Variants in RNGTT observed in about 807,000 individuals in gnomAD.
RNGTT encodes RNA guanylyltransferase and 5'-phosphatase, also known as mRNA-capping enzyme.
RNGTT carries 33 observed loss-of-function variants against 79.3 expected under a neutral mutation model. The ratio of observed to expected loss-of-function variants is 0.42; its 90% CI spans 0.32 to 0.56. The LOEUF (loss-of-function observed/expected upper bound fraction) is 0.56. Ranked by LOEUF, RNGTT falls within the 20% of genes least tolerant of loss-of-function variation. RNGTT has a pLI of 0.17. For synonymous variants in RNGTT, 222 were observed against 235.9 expected (o/e 0.94, Z 0.54); for missense variants, 497 against 739.1 (o/e 0.67, Z 3.80).
At position 88,776,650 on chromosome 6, in the gene RNGTT, T is replaced by G. The variant is rs557452189; in HGVS notation, c.1339-6776A>C. Among the ~76,000 whole-genome samples the G allele has an allele frequency of 3.7e-5, 5 of 136,740 alleles. No individual in the cohort carries two copies. In the South Asian group the frequency reaches 7.0e-4, roughly 19 times the overall value. The allele number at this position is 136,740 out of a possible 152,430, so 89.7% of individuals were successfully genotyped here. On this transcript the variant is annotated intron_variant, in intron 12 of 15. Transcript: ENST00000369485. The stretch of plus-strand genomic sequence containing the variant: ...ATGCCCAGCCACCTGTTGACCACTT[T>G]CATGGCTTCTTTGGAAAAAAAAAAA...
intron 14 of RNGTT, among the ~76,000 whole-genome samples, chr6:88,651,909 G>A (rs1331846160): frequency 6.6e-6 from 1 of 152,040 alleles, no homozygotes; most frequent in East Asian, 1.9e-4. Context: ...TGTGCACATA[G>A]GCGGTGGATA....
chr6:88,754,653 T>C (rs1179606408), intron 13 of RNGTT, among the ~76,000 whole-genome samples: 1 of 152,210 alleles, frequency 6.6e-6, no homozygotes, highest in Non-Finnish European at 1.5e-5. Context: ...ATGTTCGTGA[T>C]GGCCATGATG....
intron 13 of RNGTT, among the ~76,000 whole-genome samples, chr6:88,709,420 TACA>T (rs1180619988): frequency 6.6e-6 from 1 of 152,090 alleles, no homozygotes; most frequent in Non-Finnish European, 1.5e-5. Flanking sequence ...CCAAAACAGG[TACA>T]ACATCTGAAC....
At chr6:88,616,875 C>CATA (rs1772245782) in intron 14 of RNGTT, among the ~76,000 whole-genome samples, 1 of 152,218 alleles carries the variant, frequency 6.6e-6, no homozygotes. Flanking sequence ...CTTTGATGTA[C>CATA]ATAAGTTTTT....
intron 1 of RNGTT, among the ~76,000 whole-genome samples, chr6:88,961,135 A>T (rs1582182967): frequency 6.6e-6 from 1 of 152,154 alleles, no homozygotes; most frequent in Non-Finnish European, 1.5e-5. Flanking sequence ...AAAAGACTTG[A>T]CCGGCTTAGC....
chr6:88,957,192 C>T (rs1475711175), intron 1 of RNGTT, among the ~76,000 whole-genome samples: 5 of 152,096 alleles, frequency 3.3e-5, no homozygotes, highest in Admixed American at 3.3e-4. Context: ...ACAGAAGGGA[C>T]GTACCTCAAG....
Position 88,623,706 on chromosome 6 carries a change from T to C in RNGTT, c.1507-9311A>G, listed in dbSNP as rs576976695. 4.6e-5 allele frequency among the ~76,000 whole-genome samples: 7 copies of C among 152,194 alleles called. No individual in the cohort carries two copies. In the East Asian group the frequency reaches 1.2e-3, roughly 25 times the overall value. On this transcript the variant is annotated intron_variant, in intron 14 of 15. Transcript: ENST00000369485. ...AAGCCACAATTACTTTTGAAAAATG[T>C]TAATCCAATCAAGTCATTCTCTTGC...
intron 12 of RNGTT, among the ~76,000 whole-genome samples, chr6:88,776,306 C>T (rs572488809): frequency 6.6e-6 from 1 of 150,548 alleles, no homozygotes; most frequent in East Asian, 1.9e-4. Context: ...AGCACCTTTT[C>T]ATACACCTTT....
chr6:88,817,384 G>A (rs1168996805), intron 11 of RNGTT, among the ~76,000 whole-genome samples: 1 of 150,106 alleles, frequency 6.7e-6, no homozygotes. Context: ...GCTTACACCT[G>A]TAATCCAAAC....
intron 8 of RNGTT, among the ~76,000 whole-genome samples, chr6:88,890,249 C>G: frequency 6.6e-6 from 1 of 152,094 alleles, no homozygotes; most frequent in East Asian, 1.9e-4. Context: ...TCAAACTTAA[C>G]ATCTAGTTAT....
chr6:88,962,233 A>G (rs533659733), intron 1 of RNGTT, among the ~76,000 whole-genome samples: 124 of 152,300 alleles, frequency 8.1e-4, no homozygotes, highest in Non-Finnish European at 1.5e-3. Context: ...GGAAAGAGAT[A>G]TATTTGTGTA....
intron 13 of RNGTT, among the ~76,000 whole-genome samples, chr6:88,737,850 C>A (rs555017556): frequency 5.3e-5 from 8 of 152,174 alleles, no homozygotes; most frequent in African/African-American, 1.7e-4. Flanking sequence ...GAGACTAAGA[C>A]AAACATGAAT....
intron 8 of RNGTT, among the ~76,000 whole-genome samples, chr6:88,859,792 A>G (rs1484403947): frequency 6.6e-6 from 1 of 152,170 alleles, no homozygotes; most frequent in Admixed American, 6.5e-5. Context: ...GAAACTGGGA[A>G]TAAGAGTAGT....
At chr6:88,667,031 G>A (rs1774438696) in intron 14 of RNGTT, among the ~76,000 whole-genome samples, 1 of 152,152 alleles carries the variant, frequency 6.6e-6, no homozygotes, top group African/African-American at 2.4e-5. Flanking sequence ...GCCTCGGAGG[G>A]TGGCAGTAAT....
chr6:88,796,938 T>C (rs1245139847), intron 12 of RNGTT, among the ~76,000 whole-genome samples: 1 of 152,190 alleles, frequency 6.6e-6, no homozygotes, highest in Non-Finnish European at 1.5e-5. Flanking sequence ...TTCTGACATT[T>C]AGACAGGTAG....
intron 14 of RNGTT, among the ~76,000 whole-genome samples, chr6:88,623,607 G>A (rs1482868537): frequency 1.3e-5 from 2 of 151,978 alleles, no homozygotes; most frequent in East Asian, 3.8e-4. Context: ...ACCTATCACA[G>A]TGTCTCAGAT....
intron 13 of RNGTT, among the ~76,000 whole-genome samples, chr6:88,705,199 T>G (rs1221275547): frequency 6.6e-6 from 1 of 152,170 alleles, no homozygotes; most frequent in Admixed American, 6.5e-5. Context: ...ACATTTTATA[T>G]CATAATCCCA....
At chr6:88,758,308 T>A (rs1389257145) in intron 13 of RNGTT, among the ~76,000 whole-genome samples, 2 of 152,174 alleles carry the variant, frequency 1.3e-5, no homozygotes, top group African/African-American at 4.8e-5. Context: ...AGAAATTCAA[T>A]TTAGAAAATA....
At chr6:88,735,017 C>T (rs1777237991) in intron 13 of RNGTT, among the ~76,000 whole-genome samples, 1 of 152,050 alleles carries the variant, frequency 6.6e-6, no homozygotes, top group Non-Finnish European at 1.5e-5. Flanking sequence ...CCACCATAAG[C>T]TGAGGAGCAT....
Sources: gnomAD v4.1 joint callset for allele counts (sites outside exome capture counted in the v4.1 genomes callset) on GRCh38, gnomAD v4.1.1 for gene constraint, MANE v1.5 for transcripts, NCBI Gene and HGNC (gene_info 2026-07-23, HGNC 2026-07-21) for gene names.